The following APBA2 variants were observed in gnomAD, a reference collection of about 807,000 sequenced individuals.
APBA2 encodes the protein amyloid beta precursor protein binding family A member 2.
Under a neutral mutation model 75.0 loss-of-function variants are expected in APBA2, and 30 were observed. The ratio of observed to expected loss-of-function variants is 0.40; its 90% CI spans 0.30 to 0.54. APBA2 has a LOEUF of 0.54. Among genes scored for constraint, APBA2 ranks in the 20% least tolerant of loss-of-function variants. The probability of loss-of-function intolerance (pLI) is 0.49; values close to 1 mark genes in which losing one functional copy is unlikely to be tolerated. For synonymous variants in APBA2, 444 were observed against 409.6 expected (o/e 1.08, Z -1.01); for missense variants, 801 against 1,016.1 (o/e 0.79, Z 2.88).
intron 2 of APBA2, among the ~76,000 whole-genome samples, chr15:28,982,171 A>G (rs922421049): frequency 6.6e-6 from 1 of 152,228 alleles, no homozygotes; most frequent in African/African-American, 2.4e-5. Flanking sequence ...AAATTAGTCA[A>G]AAAATAAGGA....
At chr15:28,890,697 ACCTGGCTTGAGAGTCT>A (rs1477871990) in intron 1 of APBA2, among the ~76,000 whole-genome samples, 1 of 152,188 alleles carries the variant, frequency 6.6e-6, no homozygotes, top group Non-Finnish European at 1.5e-5. Flanking sequence ...AGGGCCAGTC[ACCTGGCTTGAGAGTCT>A]TTCTCAGCAT....
intron 1 of APBA2, among the ~76,000 whole-genome samples, chr15:28,886,589 C>T (rs1161355165): frequency 6.6e-6 from 1 of 152,030 alleles, no homozygotes; most frequent in Non-Finnish European, 1.5e-5. Flanking sequence ...CCACCCGGCG[C>T]GGACAAGAGG....
intron 3 of APBA2, among the ~76,000 whole-genome samples, chr15:29,032,705 T>A (rs536432603): frequency 1.3e-5 from 2 of 152,168 alleles, no homozygotes; most frequent in African/African-American, 2.4e-5. Flanking sequence ...AAATATGCCT[T>A]TATGTTAGTA....
chr15:28,985,084 C>G (rs2037848681), intron 2 of APBA2, among the ~76,000 whole-genome samples: 1 of 152,150 alleles, frequency 6.6e-6, no homozygotes, highest in Non-Finnish European at 1.5e-5. Flanking sequence ...TGAGGCTGAG[C>G]TTGGGTGGCT....
chr15:29,065,487 G>A (rs1469838943), intron 4 of APBA2, among the ~76,000 whole-genome samples: 2 of 152,102 alleles, frequency 1.3e-5, no homozygotes, highest in East Asian at 3.9e-4. Context: ...TGGTAATAGG[G>A]GGCTGACCTA....
At position 28,918,739 on chromosome 15, in the gene APBA2, G is replaced by A. The variant is rs1239114258; in HGVS notation, c.-204-2901G>A. On this transcript the variant is annotated intron_variant, in intron 1 of 14. Transcript: ENST00000683413. This position sits in a 1 kb window ranked among gnomAD's most constrained non-coding sequence, Gnocchi z 4.2. ...GGTGTCGCCATGGCAGCTGGAGAGCGGGCGACCGGTCGCTTGGCGTCCTGC... is the reference window on the plus strand; with the variant it reads ...GGTGTCGCCATGGCAGCTGGAGAGCAGGCGACCGGTCGCTTGGCGTCCTGC... 1.3e-5 allele frequency among the ~76,000 whole-genome samples: 2 copies of A among 152,188 alleles called. No homozygotes were observed. The highest frequency in any genetic ancestry group is 2.4e-5 in the African/African-American group (1 of 41,454).
intron 4 of APBA2, among the ~76,000 whole-genome samples, chr15:29,068,386 G>A (rs975752895): frequency 2.0e-5 from 3 of 152,258 alleles, no homozygotes; most frequent in African/African-American, 7.2e-5. Flanking sequence ...TCATTTGAGA[G>A]TTGAACAAAA....
intron 13 of APBA2, 57 bp downstream of exon 13, chr15:29,108,446 G>C: frequency 6.2e-7 from 1 of 1,612,606 alleles, no homozygotes; most frequent in South Asian, 1.1e-5. Flanking sequence ...CAGGGAGGGG[G>C]AGCAGCTCCC....
intron 6 of APBA2, among the ~76,000 whole-genome samples, chr15:29,077,442 A>C (rs2042899921): frequency 6.6e-6 from 1 of 152,242 alleles, no homozygotes; most frequent in Non-Finnish European, 1.5e-5. Flanking sequence ...TCATCTGGAC[A>C]GAACTCTCAC....
intron 1 of APBA2, among the ~76,000 whole-genome samples, chr15:28,888,705 G>T (rs1270126023): frequency 6.6e-6 from 1 of 152,180 alleles, no homozygotes; most frequent in African/African-American, 2.4e-5. Context: ...CTTGCAGCCT[G>T]GTCCTTAGAG....
intron 2 of APBA2, among the ~76,000 whole-genome samples, chr15:28,953,532 C>G (rs1402948675): frequency 6.6e-6 from 1 of 152,106 alleles, no homozygotes; most frequent in Admixed American, 6.6e-5. Context: ...TATACCCGCT[C>G]CAGTCGGACT....
At chr15:28,899,746 G>C (rs138881064) in intron 1 of APBA2, among the ~76,000 whole-genome samples, 1 of 152,346 alleles carries the variant, frequency 6.6e-6, no homozygotes, top group East Asian at 1.9e-4. Flanking sequence ...GGCAAAGGGT[G>C]TAGATATGCA....
intron 2 of APBA2, among the ~76,000 whole-genome samples, chr15:28,940,824 T>C (rs2035178039): frequency 6.6e-6 from 1 of 152,048 alleles, no homozygotes; most frequent in South Asian, 2.1e-4. Flanking sequence ...TAGCAGATAA[T>C]AAAGGAGCCA....
In APBA2 at chr15:29,114,800, GT is replaced by G; in HGVS notation, c.2178+785del. Among the ~76,000 whole-genome samples, 5 of 151,606 alleles carry G rather than the reference GT, an allele frequency of 3.3e-5. No homozygotes were observed. In the South Asian group the frequency reaches 1.0e-3, roughly 32 times the overall value. On this transcript the variant is annotated intron_variant, in intron 14 of 14. Coordinates refer to ENST00000683413, the MANE Select transcript of APBA2 (RefSeq NM_001353788.2). Reference sequence around the variant, plus strand: ...TGTGCGTGTGGAGGAGTGTGTGTGTGTGGGTGAGTGTATGCGGATGTACGTG... The same window carrying G: ...TGTGCGTGTGGAGGAGTGTGTGTGTGGGGTGAGTGTATGCGGATGTACGTG...
At chr15:29,061,878 A>G (rs1029310672) in intron 4 of APBA2, among the ~76,000 whole-genome samples, 1 of 152,218 alleles carries the variant, frequency 6.6e-6, no homozygotes, top group African/African-American at 2.4e-5. Flanking sequence ...GAGGACTGAG[A>G]CAAGAGTGGC....
intron 1 of APBA2, among the ~76,000 whole-genome samples, chr15:28,920,318 A>G (rs1195479340): frequency 2.0e-5 from 3 of 152,238 alleles, no homozygotes; most frequent in Non-Finnish European, 4.4e-5. Flanking sequence ...TGAGGCACAG[A>G]TGGCACAGGG....
intron 2 of APBA2, among the ~76,000 whole-genome samples, chr15:28,936,616 C>CT (rs1312586674): frequency 2.0e-5 from 3 of 152,222 alleles, no homozygotes; most frequent in Non-Finnish European, 2.9e-5. Context: ...TTGTTCCTCT[C>CT]TATCACTGGC....
intron 3 of APBA2, among the ~76,000 whole-genome samples, chr15:29,025,903 A>T (rs1397119293): frequency 6.6e-6 from 1 of 151,046 alleles, no homozygotes; most frequent in African/African-American, 2.4e-5. Context: ...GTGAGCCAAG[A>T]TCGTGCCACT....
At chr15:28,983,737 C>CTGGG (rs2037750119) in intron 2 of APBA2, among the ~76,000 whole-genome samples, 1 of 152,214 alleles carries the variant, frequency 6.6e-6, no homozygotes, top group Admixed American at 6.5e-5. Flanking sequence ...CTTTCCCCCA[C>CTGGG]TGGGTGGAGT....
Sources: gnomAD v4.1 joint callset for allele counts (sites outside exome capture counted in the v4.1 genomes callset) on GRCh38, gnomAD v4.1.1 for gene constraint, Gnocchi (gnomAD v3.1) non-coding constraint, MANE v1.5 for transcripts, NCBI Gene and HGNC (gene_info 2026-07-23, HGNC 2026-07-21) for gene names.